Variants in PLEKHA1 observed in about 807,000 individuals in gnomAD.
PLEKHA1 encodes the protein pleckstrin homology domain-containing family A member 1.
Under a neutral mutation model 52.0 loss-of-function variants are expected in PLEKHA1, and 34 were observed. That is an observed-to-expected ratio of 0.65 (90% confidence interval 0.50 to 0.87). PLEKHA1 has a LOEUF of 0.87. Ranked by LOEUF, PLEKHA1 falls within the 40% of genes least tolerant of loss-of-function variation. The probability of loss-of-function intolerance (pLI) is 0.00; values close to 1 mark genes in which losing one functional copy is unlikely to be tolerated. For missense variants in PLEKHA1, 497 were observed against 504.2 expected (o/e 0.99, Z 0.14); for synonymous variants, 163 against 170.7 (o/e 0.95, Z 0.35).
chr10:122,376,501 GATATATAT>G (rs56781870), intron 1 of PLEKHA1, among the ~76,000 whole-genome samples: 26,204 of 146,562 alleles, frequency 0.18, 2,428 homozygotes, highest in Non-Finnish European at 0.21. Flanking sequence ...ACATTAAGAA[GATATATAT>G]ATATATATAT....
chr10:122,413,880 C>A (rs2097139395), intron 6 of PLEKHA1, among the ~76,000 whole-genome samples: 1 of 152,082 alleles, frequency 6.6e-6, no homozygotes, highest in African/African-American at 2.4e-5. Context: ...AAGACTTTGA[C>A]ACTTTATAAA....
intron 8 of PLEKHA1, chr10:122,420,847 T>C (rs1161572867): frequency 6.6e-6 from 1 of 152,116 alleles, no homozygotes; most frequent in Non-Finnish European, 1.5e-5. Flanking sequence ...TCTTGGGGGG[T>C]TAGCCCCACG....
intron 1 of PLEKHA1, among the ~76,000 whole-genome samples, chr10:122,376,938 A>G (rs1185764256): frequency 1.3e-5 from 2 of 152,222 alleles, no homozygotes; most frequent in African/African-American, 4.8e-5. Flanking sequence ...AACATTTTAC[A>G]TTTTTATGGG....
At chr10:122,418,789 G>A (rs570900694) in intron 8 of PLEKHA1, 3 of 152,318 alleles carry the variant, frequency 2.0e-5, no homozygotes, top group African/African-American at 7.2e-5. Flanking sequence ...CAATTCTGTA[G>A]TATAAATGTC....
At chr10:122,406,759 C>T in intron 5 of PLEKHA1, 86 bp downstream of exon 5, 1 of 994,794 alleles carries the variant, frequency 1.0e-6, no homozygotes, top group South Asian at 1.4e-5. Context: ...ATGTTCCCAG[C>T]TTACCAACAG....
intron 1 of PLEKHA1, among the ~76,000 whole-genome samples, chr10:122,389,550 A>C (rs2096747372): frequency 6.6e-6 from 1 of 152,150 alleles, no homozygotes; most frequent in Non-Finnish European, 1.5e-5. Context: ...AAATACAAAA[A>C]TTAGTCAGGC....
intron 5 of PLEKHA1, among the ~76,000 whole-genome samples, chr10:122,407,031 G>A (rs1164251470): frequency 6.6e-6 from 1 of 152,180 alleles, no homozygotes; most frequent in African/African-American, 2.4e-5. Flanking sequence ...CCTACCTGGG[G>A]AATAGGCACT....
At chr10:122,382,467 A>T (rs1417662721) in intron 1 of PLEKHA1, among the ~76,000 whole-genome samples, 54 of 152,216 alleles carry the variant, frequency 3.5e-4, no homozygotes, top group Admixed American at 3.5e-3. Flanking sequence ...GGGCTATAAG[A>T]TCTCTCCAAT....
At chr10:122,425,083 C>T (rs1005749911) in intron 10 of PLEKHA1, 124 bp downstream of exon 10, 8 of 790,468 alleles carry the variant, frequency 1.0e-5, no homozygotes, top group Non-Finnish European at 1.6e-5. Context: ...TGTAATTCAC[C>T]AGCTTAATAA....
the PLEKHA1 span, chr10:122,438,465 G>A: frequency 6.6e-6 from 1 of 152,270 alleles, no homozygotes; most frequent in Non-Finnish European, 1.5e-5. Context: ...GGCACAGTAT[G>A]TGGTGCAGCC....
intron 2 of PLEKHA1, among the ~76,000 whole-genome samples, chr10:122,397,216 C>T (rs1174615145): frequency 1.3e-5 from 2 of 152,022 alleles, no homozygotes; most frequent in Admixed American, 6.6e-5. Flanking sequence ...CAAAATTTTC[C>T]TTAACCTCCA....
intron 4 of PLEKHA1, among the ~76,000 whole-genome samples, chr10:122,402,828 A>T (rs2096949899): frequency 6.6e-6 from 1 of 152,216 alleles, no homozygotes; most frequent in Non-Finnish European, 1.5e-5. Flanking sequence ...GAGGCACGAA[A>T]CTGAAAATAG....
At chr10:122,385,775 A>G (rs777794373) in intron 1 of PLEKHA1, among the ~76,000 whole-genome samples, 43 of 152,232 alleles carry the variant, frequency 2.8e-4, no homozygotes, top group Non-Finnish European at 4.8e-4. Flanking sequence ...ACATACCAAA[A>G]TACATTTGAC....
At chr10:122,439,919 C>T in the PLEKHA1 span, 1 of 152,114 alleles carries the variant, frequency 6.6e-6, no homozygotes, top group South Asian at 2.1e-4. Context: ...TCAATTATAT[C>T]CATAGAAAAT....
At chr10:122,399,216 G>C (rs1238054336) in intron 3 of PLEKHA1, among the ~76,000 whole-genome samples, 2 of 152,154 alleles carry the variant, frequency 1.3e-5, no homozygotes. Flanking sequence ...GTGTGACTCA[G>C]AACTGTGAGT....
intron 5 of PLEKHA1, among the ~76,000 whole-genome samples, chr10:122,407,905 A>G (rs2097046509): frequency 6.6e-6 from 1 of 152,232 alleles, no homozygotes; most frequent in Non-Finnish European, 1.5e-5. Flanking sequence ...TCACAACACA[A>G]TAAAGAGTCA....
intron 6 of PLEKHA1, among the ~76,000 whole-genome samples, 171 bp downstream of exon 6, chr10:122,413,216 A>G (rs1169597528): frequency 6.6e-6 from 1 of 152,186 alleles, no homozygotes; most frequent in Non-Finnish European, 1.5e-5. Flanking sequence ...AAATTACATA[A>G]CATTTAAAAC....
intron 1 of PLEKHA1, among the ~76,000 whole-genome samples, chr10:122,384,965 A>AT (rs1485575223): frequency 6.6e-6 from 1 of 152,124 alleles, no homozygotes; most frequent in Non-Finnish European, 1.5e-5. Flanking sequence ...TCAAAAAAAG[A>AT]ATTTTTTTTT....
Position 122,429,634 on chromosome 10 carries a change from C to T in PLEKHA1, c.911C>T (p.Pro304Leu), listed in dbSNP as rs374671793. The change falls in exon 12 of 12, where the codon CCC (proline) becomes CTC (leucine). Residue 304 changes from proline to leucine, a missense_variant. Pro to Leu is a moderately conservative substitution (Grantham distance 98). Coordinates refer to ENST00000368990, the MANE Select transcript of PLEKHA1 (RefSeq NM_001001974.4). ...CACTCCTTTTTGCAGGAGCATCCCC[C>T]CGGTCCTTCAGAATCCAAACACGCT... The part of the protein sequence containing the change: ...PGRSASSEHP[P>L]GPSESKHAFR... 5.6e-6 allele frequency: 9 copies of T among 1,613,538 alleles called. No individual in the cohort carries two copies. The highest frequency in any genetic ancestry group is 7.6e-6 in the Non-Finnish European group (9 of 1,179,708).
Sources: allele counts gnomAD v4.1 joint callset (sites outside exome capture counted in the v4.1 genomes callset), GRCh38; gene constraint gnomAD v4.1.1; transcripts MANE v1.5; gene names NCBI Gene and HGNC (gene_info 2026-07-23, HGNC 2026-07-21).